Variants in BMPR1B observed in about 807,000 individuals in gnomAD.
BMPR1B encodes bone morphogenetic protein receptor type 1B, also known as bone morphogenetic protein receptor type-1B.
A neutral mutation model predicts 59.1 loss-of-function variants in BMPR1B; 12 were observed. The observed-to-expected ratio is 0.20, with a 90% CI of 0.13 to 0.33. The LOEUF is 0.33. Ranked by LOEUF, BMPR1B falls within the 10% of genes least tolerant of loss-of-function variation. The probability of loss-of-function intolerance (pLI) is 1.00; values close to 1 mark genes in which losing one functional copy is unlikely to be tolerated. For missense variants in BMPR1B, 550 were observed against 610.9 expected (o/e 0.90, Z 1.05); for synonymous variants, 237 against 207.3 (o/e 1.14, Z -1.23).
chr4:94,857,338 A>T (rs1175024320), intron 1 of BMPR1B, among the ~76,000 whole-genome samples: 2 of 152,244 alleles, frequency 1.3e-5, no homozygotes, highest in East Asian at 1.9e-4. Context: ...TGAAATATGT[A>T]GCCGTTTAGG....
At position 95,130,038 on chromosome 4, in the gene BMPR1B, G is replaced by A; in HGVS notation, c.762G>A (p.Arg254=). ...ETEIYQTVLM[R]HENILGFIAA... ...AAATATATCAGACAGTGTTGATGAG[G>A]CATGAAAACATTTTGGGTGAGTAAA... The change falls in exon 9 of 13, where the codon AGG becomes AGA. Residue 254 remains arginine, a synonymous_variant. Coordinates refer to ENST00000515059, the MANE Select transcript of BMPR1B (RefSeq NM_001203.3). The A allele has an allele frequency of 6.2e-7, 1 of 1,613,812 alleles. No homozygotes were observed. Among genetic ancestry groups the A allele is most frequent in the Non-Finnish European group, 8.5e-7 (1 of 1,179,812 alleles).
intron 1 of BMPR1B, among the ~76,000 whole-genome samples, chr4:94,809,413 A>G (rs1186107307): frequency 6.6e-6 from 1 of 152,256 alleles, no homozygotes; most frequent in Non-Finnish European, 1.5e-5. Flanking sequence ...ACACAAGGTC[A>G]GTTAGAAACA....
intron 2 of BMPR1B, among the ~76,000 whole-genome samples, chr4:94,899,551 A>G (rs1303184372): frequency 6.6e-6 from 1 of 151,240 alleles, no homozygotes; most frequent in East Asian, 1.9e-4. Context: ...AAGTGCAAAT[A>G]TGAATATAAA....
chr4:94,876,779 A>G (rs756383121), intron 2 of BMPR1B, among the ~76,000 whole-genome samples: 1 of 152,176 alleles, frequency 6.6e-6, no homozygotes, highest in Non-Finnish European at 1.5e-5. Context: ...TTCTAATAAC[A>G]CATGAACAAA....
At chr4:94,877,441 C>T (rs3775005) in intron 2 of BMPR1B, among the ~76,000 whole-genome samples, 26,830 of 152,184 alleles carry the variant, frequency 0.18, 2,499 homozygotes, top group South Asian at 0.22. Context: ...GATGGATTGG[C>T]CTTAGGGTTG....
intron 1 of BMPR1B, among the ~76,000 whole-genome samples, chr4:94,856,676 A>G (rs7676033): frequency 0.6 from 91,374 of 152,046 alleles, 28,206 homozygotes; most frequent in African/African-American, 0.74. Context: ...AGGGATGTCT[A>G]TAATCAGCTA....
At chr4:95,016,876 T>C (rs1261853917) in intron 3 of BMPR1B, among the ~76,000 whole-genome samples, 1 of 152,210 alleles carries the variant, frequency 6.6e-6, no homozygotes, top group Non-Finnish European at 1.5e-5. Context: ...ACCAAGTAAC[T>C]GTGGGTAGTG....
intron 1 of BMPR1B, among the ~76,000 whole-genome samples, chr4:94,763,704 A>G (rs1000109966): frequency 2.6e-5 from 4 of 152,258 alleles, no homozygotes; most frequent in Middle Eastern, 3.2e-3. Context: ...TCACTAGTTA[A>G]TTTGATGATT....
At chr4:95,115,597 CTAAA>C (rs1266313352) in intron 5 of BMPR1B, 84 bp from the exon 6 acceptor site, 20 of 1,111,052 alleles carry the variant, frequency 1.8e-5, no homozygotes, top group Non-Finnish European at 2.3e-5. Context: ...AATTAGTTCT[CTAAA>C]TAGTGACTAT....
intron 2 of BMPR1B, among the ~76,000 whole-genome samples, chr4:94,926,074 G>A (rs116203405): frequency 0.19 from 6,245 of 33,678 alleles, 343 homozygotes; most frequent in African/African-American, 0.4. Flanking sequence ...AATCCCTCCC[G>A]TCTCCCTCCC....
intron 2 of BMPR1B, among the ~76,000 whole-genome samples, chr4:94,935,626 C>T (rs759238713): frequency 2.6e-5 from 4 of 152,042 alleles, no homozygotes; most frequent in Admixed American, 1.3e-4. Flanking sequence ...GGTGTATTAG[C>T]AGAAATATTT....
chr4:95,044,375 T>C (rs899525307), intron 3 of BMPR1B, among the ~76,000 whole-genome samples: 3 of 152,218 alleles, frequency 2.0e-5, no homozygotes, highest in African/African-American at 7.2e-5. Flanking sequence ...ACTTGATTGA[T>C]GCCCAGAACA....
chr4:95,121,490 G>A (rs1412235922), intron 6 of BMPR1B, among the ~76,000 whole-genome samples: 2 of 152,100 alleles, frequency 1.3e-5, no homozygotes, highest in East Asian at 3.9e-4. Context: ...TTTATAAGTG[G>A]ATAGTGGCAT....
chr4:95,073,439 G>A (rs1327567377), intron 3 of BMPR1B, among the ~76,000 whole-genome samples: 2 of 152,088 alleles, frequency 1.3e-5, no homozygotes, highest in African/African-American at 4.8e-5. Context: ...AAGGTTTATG[G>A]CACTTTCATA....
chr4:94,846,640 A>G (rs562591761), intron 1 of BMPR1B, among the ~76,000 whole-genome samples: 11 of 152,274 alleles, frequency 7.2e-5, no homozygotes, highest in African/African-American at 2.6e-4. Context: ...GCCTGCAGAC[A>G]ACCTATTGTG....
chr4:94,825,471 C>T (rs189326150), intron 1 of BMPR1B, among the ~76,000 whole-genome samples: 99 of 152,292 alleles, frequency 6.5e-4, no homozygotes, highest in African/African-American at 2.2e-3. Context: ...TGCCACTGCA[C>T]TGCAGTCTGG....
At chr4:94,985,509 C>CTGTGTGTGTGTG (rs60003954) in intron 2 of BMPR1B, among the ~76,000 whole-genome samples, 42 of 138,892 alleles carry the variant, frequency 3.0e-4, no homozygotes, top group African/African-American at 9.2e-4. Flanking sequence ...AAAATAAGAG[C>CTGTGTGTGTGTG]TGTGTGTGTG....
chr4:94,775,400 G>T (rs544371709), intron 1 of BMPR1B, among the ~76,000 whole-genome samples: 1 of 152,102 alleles, frequency 6.6e-6, no homozygotes, highest in African/African-American at 2.4e-5. Flanking sequence ...TTATTTGATC[G>T]CAAAATGTTC....
Position 94,836,014 on chromosome 4 carries a change from G to T in BMPR1B, c.-182-39817G>T, listed in dbSNP as rs1560507276. Among the ~76,000 whole-genome samples the T allele has an allele frequency of 2.7e-5, 4 of 147,698 alleles. No homozygotes were observed. In the South Asian group the frequency reaches 6.6e-4, roughly 24 times the overall value. On this transcript the variant is annotated intron_variant, in intron 1 of 12. Coordinates refer to ENST00000515059, the MANE Select transcript of BMPR1B (RefSeq NM_001203.3). ...TATGAGTGAGAATGTGCGGTGTTTGGTTTTTTGTTCTTGTGATAGTTTACT... is the reference window on the plus strand; with the variant it reads ...TATGAGTGAGAATGTGCGGTGTTTGTTTTTTTGTTCTTGTGATAGTTTACT...
Sources: allele counts gnomAD v4.1 joint callset (sites outside exome capture counted in the v4.1 genomes callset), GRCh38; gene constraint gnomAD v4.1.1; transcripts MANE v1.5; gene names NCBI Gene and HGNC (gene_info 2026-07-23, HGNC 2026-07-21).